The following SRPK2 variants were observed in gnomAD, a reference collection of about 807,000 sequenced individuals.
The protein encoded by SRPK2 is SFRS protein kinase 2.
A neutral mutation model predicts 90.8 loss-of-function variants in SRPK2; 21 were observed. That is an observed-to-expected ratio of 0.23 (90% CI 0.16 to 0.33). The LOEUF is 0.33. Among genes scored for constraint, SRPK2 ranks in the 10% least tolerant of loss-of-function variants. The probability of loss-of-function intolerance (pLI) is 1.00; values close to 1 mark genes in which losing one functional copy is unlikely to be tolerated. For missense variants in SRPK2, 620 were observed against 869.0 expected (o/e 0.71, Z 3.60); for synonymous variants, 288 against 311.1 (o/e 0.93, Z 0.78).
At chr7:105,204,677 A>C (rs2237611) in intron 2 of SRPK2, 860,899 of 973,644 alleles carry the variant, frequency 0.88, 384,447 homozygotes, top group Non-Finnish European at 0.92. Context: ...GCATTTCTGC[A>C]ACGGCAGCCC....
intron 2 of SRPK2, chr7:105,298,689 C>T (rs1810160409): frequency 1.0e-6 from 1 of 979,338 alleles, no homozygotes; most frequent in Non-Finnish European, 1.2e-6. Flanking sequence ...ATACTGCAAC[C>T]CCCTGCCTAA....
chr7:105,186,684 C>A (rs1793620736), intron 3 of SRPK2, among the ~76,000 whole-genome samples: 1 of 152,144 alleles, frequency 6.6e-6, no homozygotes, highest in Non-Finnish European at 1.5e-5. Context: ...AATCATGAAA[C>A]TGAATGAGCG....
intron 2 of SRPK2, among the ~76,000 whole-genome samples, chr7:105,246,681 C>G (rs1246438711): frequency 6.6e-6 from 1 of 152,234 alleles, no homozygotes; most frequent in Non-Finnish European, 1.5e-5. Context: ...CTTCTATCTA[C>G]TTCTTCACTA....
intron 2 of SRPK2, among the ~76,000 whole-genome samples, chr7:105,286,963 C>T (rs183899481): frequency 6.6e-6 from 1 of 152,024 alleles, no homozygotes; most frequent in African/African-American, 2.4e-5. Flanking sequence ...TAATATACAG[C>T]ATTTGAAAAG....
chr7:105,231,445 G>C (rs10953470), intron 2 of SRPK2, among the ~76,000 whole-genome samples: 7 of 152,016 alleles, frequency 4.6e-5, no homozygotes, highest in Non-Finnish European at 1.0e-4. Flanking sequence ...ATAAGATTGC[G>C]GAGTCGAATG....
chr7:105,356,897 C>T (rs1001550050), intron 2 of SRPK2, among the ~76,000 whole-genome samples: 6 of 152,154 alleles, frequency 3.9e-5, no homozygotes, highest in Non-Finnish European at 8.8e-5. Flanking sequence ...CTAGTACTCC[C>T]AAAGCATCTG....
At chr7:105,221,522 C>A (rs1167780951) in intron 2 of SRPK2, among the ~76,000 whole-genome samples, 1 of 152,190 alleles carries the variant, frequency 6.6e-6, no homozygotes, top group African/African-American at 2.4e-5. Flanking sequence ...CAATATCACA[C>A]CAACGCCAAA....
At chr7:105,233,156 A>AGGGGAC (rs1799723463) in intron 2 of SRPK2, among the ~76,000 whole-genome samples, 1 of 117,716 alleles carries the variant, frequency 8.5e-6, no homozygotes, top group Non-Finnish European at 1.9e-5. Context: ...AGGAAGGGGA[A>AGGGGAC]AGGGAAGGAA....
intron 2 of SRPK2, among the ~76,000 whole-genome samples, chr7:105,370,601 TAA>T (rs1819580762): frequency 6.7e-6 from 1 of 149,132 alleles, no homozygotes; most frequent in Non-Finnish European, 1.5e-5. Context: ...TTTTTTTAAT[TAA>T]TTTTTTTTCT....
chr7:105,225,179 AAAACAAAC>A (rs140524692), intron 2 of SRPK2, among the ~76,000 whole-genome samples: 42,124 of 151,516 alleles, frequency 0.28, 6,318 homozygotes, highest in Non-Finnish European at 0.34. Context: ...CTCTCTCTTT[AAAACAAAC>A]AAACAAACAA....
chr7:105,253,118 C>T (rs10257135), intron 2 of SRPK2, among the ~76,000 whole-genome samples: 129,510 of 152,194 alleles, frequency 0.85, 55,212 homozygotes, highest in East Asian at 0.97. Flanking sequence ...ATACGTAAGA[C>T]TTAACAGGTC....
At chr7:105,332,565 A>C (rs1585748476) in intron 2 of SRPK2, among the ~76,000 whole-genome samples, 2 of 152,250 alleles carry the variant, frequency 1.3e-5, no homozygotes, top group Middle Eastern at 3.4e-3. Flanking sequence ...GGAGTTCAAG[A>C]CCAGACTGGC....
intron 2 of SRPK2, among the ~76,000 whole-genome samples, chr7:105,208,850 G>C (rs1796517097): frequency 6.6e-6 from 1 of 152,142 alleles, no homozygotes; most frequent in East Asian, 1.9e-4. Context: ...AGCCAGGTGT[G>C]GTGGTGCACA....
chr7:105,306,967 A>G (rs370815285), intron 2 of SRPK2, among the ~76,000 whole-genome samples: 37 of 152,326 alleles, frequency 2.4e-4, no homozygotes, highest in African/African-American at 8.7e-4. Context: ...AGAGAATACA[A>G]TCCTTTTCCT....
At chr7:105,132,498 G>C (rs148024355) in intron 13 of SRPK2, among the ~76,000 whole-genome samples, 57 of 152,338 alleles carry the variant, frequency 3.7e-4, no homozygotes, top group African/African-American at 1.3e-3. Context: ...AAGTCACTGT[G>C]TCACAACAAC....
At chr7:105,260,595 G>C (rs1461211464) in intron 2 of SRPK2, among the ~76,000 whole-genome samples, 1 of 152,192 alleles carries the variant, frequency 6.6e-6, no homozygotes, top group African/African-American at 2.4e-5. Flanking sequence ...TATGTTTATT[G>C]TGGCACTATT....
chr7:105,144,332 C>T (rs1804233234), intron 9 of SRPK2, among the ~76,000 whole-genome samples: 1 of 151,356 alleles, frequency 6.6e-6, no homozygotes, highest in Non-Finnish European at 1.5e-5. Flanking sequence ...CCGTTACCTC[C>T]TGGGCTCAAG....
At chr7:105,135,803 C>T (rs1384060713) in intron 11 of SRPK2, among the ~76,000 whole-genome samples, 2 of 149,220 alleles carry the variant, frequency 1.3e-5, no homozygotes, top group African/African-American at 5.0e-5. Context: ...CTCACTCTGT[C>T]GCCTAGGCTG....
At chr7:105,369,896 G>T (rs771299146) in intron 2 of SRPK2, among the ~76,000 whole-genome samples, 1 of 151,988 alleles carries the variant, frequency 6.6e-6, no homozygotes, top group Non-Finnish European at 1.5e-5. Context: ...GCGTGGTGGC[G>T]CATGCCTGTA....
Sources: gnomAD v4.1 joint callset for allele counts (sites outside exome capture counted in the v4.1 genomes callset) on GRCh38, gnomAD v4.1.1 for gene constraint, MANE v1.5 for transcripts, NCBI Gene and HGNC (gene_info 2026-07-23, HGNC 2026-07-21) for gene names.